Variants in IL10 observed in about 807,000 individuals in gnomAD.
IL10 encodes the protein interleukin 10.
In IL10, 7 loss-of-function variants were observed where a neutral mutation model predicts 21.0. That is an observed-to-expected ratio of 0.33 (90% CI 0.19 to 0.63). The LOEUF (loss-of-function observed/expected upper bound fraction) is 0.63, where lower values mean the gene tolerates loss of function less well. IL10 is among the 20% of genes least tolerant of loss of function. The probability of loss-of-function intolerance (pLI) is 0.77; values close to 1 mark genes in which losing one functional copy is unlikely to be tolerated. For synonymous variants in IL10, 83 were observed against 79.7 expected (o/e 1.04, Z -0.22); for missense variants, 161 against 213.0 (o/e 0.76, Z 1.52).
Position 206,768,569 on chromosome 1 carries a change from C to T in IL10, c.*67G>A. 1.1e-6 allele frequency: 1 copy of T among 876,678 alleles called. No homozygotes were observed. The highest frequency in any genetic ancestry group is 1.8e-5 in the Admixed American group (1 of 56,400). 54.3% of individuals were successfully genotyped at this position (876,678 alleles called of 1,614,324 possible). On this transcript the variant is annotated 3_prime_UTR_variant, in exon 5 of 5. Coordinates refer to ENST00000423557, the MANE Select transcript of IL10 (RefSeq NM_000572.3). The stretch of plus-strand genomic sequence containing the variant: ...AGGGGCTGGGTCAGCTATCCCAGAG[C>T]CCCAGATCCGATTTTGGAGACCTCT...
chr1:206,771,421 G>A lies in IL10; in HGVS notation c.166-6C>T. 6.2e-7 allele frequency: 1 copy of A among 1,603,304 alleles called. No homozygotes were observed. Among genetic ancestry groups the A allele is most frequent in the East Asian group, 2.2e-5 (1 of 44,540 alleles). ...TCCAGCTGATCCTTCATTTGCTGCA[G>A]GAAGAACAAAAGGAGAATGAACTTG... On this transcript the variant is annotated splice_region_variant and splice_polypyrimidine_tract_variant and intron_variant, in intron 1 of 4. Coordinates refer to ENST00000423557, the MANE Select transcript of IL10 (RefSeq NM_000572.3).
At position 206,769,908 on chromosome 1, in the gene IL10, G is replaced by C; in HGVS notation, c.379-14C>G. ...AAGAAATCGATGCTGTGGAAGAAAA[G>C]AGAAAGTGTTGGTGATCCTGGCTTC... On this transcript the variant is annotated splice_polypyrimidine_tract_variant and intron_variant, in intron 3 of 4. Transcript: ENST00000423557. The C allele has an allele frequency of 6.2e-7, 1 of 1,611,914 alleles. No homozygotes were observed. The highest frequency in any genetic ancestry group is 2.2e-5 in the East Asian group (1 of 44,870).
intron 4 of IL10, chr1:206,769,471 C>A (rs893078792): frequency 4.9e-5 from 19 of 388,260 alleles, no homozygotes; most frequent in Admixed American, 2.7e-4. Context: ...CAGCTTCCTG[C>A]ACGTGTGGGT....
rs998971154 is a variant in IL10, at chr1:206,771,222, T to G, written c.225+134A>C. On this transcript the variant is annotated intron_variant, in intron 2 of 4. Coordinates refer to ENST00000423557, the MANE Select transcript of IL10 (RefSeq NM_000572.3). ...TTGTAAACCCTCTGGCTGCTGGATG[T>G]GCTGAGTTAACATCTTCCCACTTCT... 8.9e-5 allele frequency: 102 copies of G among 1,141,190 alleles called. No individual in the cohort carries two copies. In the African/African-American group the frequency reaches 1.3e-3, roughly 14 times the overall value. 70.7% of individuals were successfully genotyped at this position (1,141,190 alleles called of 1,614,324 possible). A position where few individuals can be genotyped will look rare whatever the true frequency, so the allele number is the denominator to read the frequency against.
chr1:206,772,462 G>T lies in IL10; in HGVS notation c.-27C>A, dbSNP rs1384139636. ...CCTTCTTTTGCAAGTCTGTCTTGTG[G>T]TTTGGTTTTGCAAGAGCAAGCCCCT... is the stretch of plus-strand genomic sequence containing the variant. On this transcript the variant is annotated 5_prime_UTR_variant, in exon 1 of 5. Transcript: ENST00000423557. 6.2e-7 allele frequency: 1 copy of T among 1,612,808 alleles called. No homozygotes were observed. Among genetic ancestry groups the T allele is most frequent in the East Asian group, 2.2e-5 (1 of 44,884 alleles).
intron 1 of IL10, 82 bp downstream of exon 1, chr1:206,772,189 G>C (rs962974976): frequency 1.6e-6 from 2 of 1,244,008 alleles, no homozygotes; most frequent in African/African-American, 3.0e-5. Context: ...AGGCGCAGGA[G>C]GAGGGTTCTT....
intron 4 of IL10, 61 bp downstream of exon 4, chr1:206,769,768 G>C (rs1321308226): frequency 2.3e-6 from 3 of 1,289,918 alleles, no homozygotes; most frequent in Non-Finnish European, 3.4e-6. Context: ...CCATGCTTTG[G>C]GGTTGGGGAG....
At chr1:206,771,137 G>A in intron 2 of IL10, 78 bp from the exon 3 acceptor site, 3 of 1,495,364 alleles carry the variant, frequency 2.0e-6, no homozygotes, top group Admixed American at 1.7e-5. Context: ...TAGCTTAAGA[G>A]GACAGCTTGG....
At chr1:206,769,975 T>C in intron 3 of IL10, 81 bp from the exon 4 acceptor site, 1 of 1,148,846 alleles carries the variant, frequency 8.7e-7, no homozygotes, top group Non-Finnish European at 1.3e-6. Context: ...GCTGGTGGCA[T>C]CATGAGGAGG....
chr1:206,770,421 C>T (rs886855143), intron 3 of IL10: 12 of 270,080 alleles, frequency 4.4e-5, no homozygotes, highest in Admixed American at 9.8e-5. Flanking sequence ...CTCATAGACA[C>T]TAGCCTGGGG....
intron 1 of IL10, among the ~76,000 whole-genome samples, 185 bp from the exon 2 acceptor site, chr1:206,771,600 GTCC>G (rs958782438): frequency 1.3e-5 from 2 of 152,094 alleles, no homozygotes; most frequent in African/African-American, 4.8e-5. Context: ...CTTAAATCAG[GTCC>G]TCCTCCTCAG....
At chr1:206,770,012 A>G in intron 3 of IL10, 118 bp from the exon 4 acceptor site, 1 of 753,658 alleles carries the variant, frequency 1.3e-6, no homozygotes, top group Non-Finnish European at 2.4e-6. Context: ...GCCTTGCCTC[A>G]CAGCTCCCAG....
At chr1:206,769,715 T>A (rs1674764512) in intron 4 of IL10, 114 bp downstream of exon 4, 1 of 825,398 alleles carries the variant, frequency 1.2e-6, no homozygotes, top group South Asian at 1.4e-5. Context: ...GTTCCCACAC[T>A]CTCTCCAATG....
In IL10 at chr1:206,769,534, C is replaced by T; in HGVS notation, c.444+295G>A. The T allele has an allele frequency of 5.8e-6, 3 of 520,042 alleles. No homozygotes were observed. In the South Asian group the frequency reaches 6.4e-5, roughly 11 times the overall value. The allele number at this position is 520,042 out of a possible 1,614,324, so 32.2% of individuals were successfully genotyped here. ...TCTGTACTTTCTGTTTCCTTTGTCACTCTCCCCAGCATGCAGCTCACTGTG... is the reference window on the plus strand; with the variant it reads ...TCTGTACTTTCTGTTTCCTTTGTCATTCTCCCCAGCATGCAGCTCACTGTG... On this transcript the variant is annotated intron_variant, in intron 4 of 4. Coordinates refer to ENST00000423557, the MANE Select transcript of IL10 (RefSeq NM_000572.3).
intron 3 of IL10, 78 bp from the exon 4 acceptor site, chr1:206,769,972 G>C: frequency 8.4e-7 from 1 of 1,187,052 alleles, no homozygotes; most frequent in Non-Finnish European, 1.3e-6. Context: ...CAAGCTGGTG[G>C]CATCATGAGG....
chr1:206,771,720 T>A (rs1051221429), intron 1 of IL10, among the ~76,000 whole-genome samples: 1 of 152,238 alleles, frequency 6.6e-6, no homozygotes, highest in Non-Finnish European at 1.5e-5. Context: ...GGGACACCTA[T>A]GTCAACCCTT....
At chr1:206,771,931 C>T (rs1674857398) in intron 1 of IL10, among the ~76,000 whole-genome samples, 2 of 152,214 alleles carry the variant, frequency 1.3e-5, no homozygotes, top group South Asian at 4.1e-4. Flanking sequence ...TTCCCTGCTG[C>T]AAGGCATGGG....
At chr1:206,771,570 C>A (rs967845176) in intron 1 of IL10, among the ~76,000 whole-genome samples, 155 bp from the exon 2 acceptor site, 1 of 151,938 alleles carries the variant, frequency 6.6e-6, no homozygotes, top group Non-Finnish European at 1.5e-5. Flanking sequence ...ACAGAGGATT[C>A]AACAGTGATG....
chr1:206,769,286 C>T (rs952376548), intron 4 of IL10, among the ~76,000 whole-genome samples: 1 of 152,232 alleles, frequency 6.6e-6, no homozygotes, highest in Non-Finnish European at 1.5e-5. Context: ...AAGTGTGAAA[C>T]CCCATTTCGT....
Sources: allele counts gnomAD v4.1 joint callset (sites outside exome capture counted in the v4.1 genomes callset), GRCh38; gene constraint gnomAD v4.1.1; transcripts MANE v1.5; gene names NCBI Gene and HGNC (gene_info 2026-07-23, HGNC 2026-07-21).